Variants in EPHA6 observed in about 807,000 individuals in gnomAD.
The protein encoded by EPHA6 is EPH receptor A6, also known as ephrin type-A receptor 6.
A neutral mutation model predicts 112.0 loss-of-function variants in EPHA6; 50 were observed. The observed-to-expected ratio is 0.45, with a 90% CI of 0.36 to 0.56. The LOEUF is 0.56. Ranked by LOEUF, EPHA6 falls within the 20% of genes least tolerant of loss-of-function variation. The pLI is 0.00. For synonymous variants in EPHA6, 529 were observed against 490.7 expected (o/e 1.08, Z -1.03); for missense variants, 1,280 against 1,417.4 (o/e 0.90, Z 1.56).
intron 3 of EPHA6, among the ~76,000 whole-genome samples, chr3:97,077,553 C>T (rs998985970): frequency 6.6e-6 from 1 of 150,946 alleles, no homozygotes; most frequent in Non-Finnish European, 1.5e-5. Flanking sequence ...CCATCCCCCT[C>T]CCCTGACAGG....
At chr3:96,820,061 G>T (rs780324926) in intron 1 of EPHA6, among the ~76,000 whole-genome samples, 1 of 152,014 alleles carries the variant, frequency 6.6e-6, no homozygotes, top group Admixed American at 6.6e-5. Context: ...GAAGAAGTGC[G>T]TAACATATAG....
intron 3 of EPHA6, among the ~76,000 whole-genome samples, chr3:97,095,496 C>G (rs111379585): frequency 2.0e-5 from 3 of 151,918 alleles, no homozygotes; most frequent in Non-Finnish European, 2.9e-5. Flanking sequence ...CCATACCCCC[C>G]ACCTTCCTTT....
At chr3:97,374,902 C>T (rs2085261501) in intron 5 of EPHA6, among the ~76,000 whole-genome samples, 1 of 152,060 alleles carries the variant, frequency 6.6e-6, no homozygotes, top group Non-Finnish European at 1.5e-5. Flanking sequence ...TATACAATTT[C>T]TGGTTGGGGT....
chr3:97,055,533 G>A lies in EPHA6; in HGVS notation c.1114+67540G>A, dbSNP rs142356223. On this transcript the variant is annotated intron_variant, in intron 3 of 17. Transcript: ENST00000389672. The stretch of plus-strand genomic sequence containing the variant: ...TTAGATTCATATGGAAATACACAAG[G>A]GTTTGCAGACTGACACTAAAATAAA... Among the ~76,000 whole-genome samples the A allele has an allele frequency of 6.4e-3, 971 of 152,174 alleles. 7 individuals are homozygous for A. The highest frequency in any genetic ancestry group is 0.021 in the African/African-American group (878 of 41,550).
chr3:97,511,859 CAT>C (rs2092370108), intron 10 of EPHA6, among the ~76,000 whole-genome samples: 1 of 152,114 alleles, frequency 6.6e-6, no homozygotes, highest in South Asian at 2.1e-4. Flanking sequence ...TTAGTCCTAA[CAT>C]ATTTTTTTTT....
chr3:97,711,194 C>G (rs1377083432), intron 14 of EPHA6, among the ~76,000 whole-genome samples: 1 of 152,116 alleles, frequency 6.6e-6, no homozygotes, highest in Non-Finnish European at 1.5e-5. Flanking sequence ...TTCACAAGCT[C>G]TCTCTCTGTC....
intron 6 of EPHA6, among the ~76,000 whole-genome samples, chr3:97,440,882 CAA>C (rs976602291): frequency 2.0e-5 from 3 of 151,314 alleles, no homozygotes; most frequent in African/African-American, 7.3e-5. Context: ...TTTAATAAGA[CAA>C]GACTAGATGT....
intron 2 of EPHA6, among the ~76,000 whole-genome samples, chr3:96,930,656 G>A (rs1426387543): frequency 6.6e-6 from 1 of 152,076 alleles, no homozygotes; most frequent in Non-Finnish European, 1.5e-5. Context: ...GAACTGGGAG[G>A]CCTCACCCAG....
intron 3 of EPHA6, among the ~76,000 whole-genome samples, chr3:97,015,285 A>G (rs1304242635): frequency 6.6e-6 from 1 of 152,234 alleles, no homozygotes; most frequent in African/African-American, 2.4e-5. Context: ...TAAAATCAGT[A>G]TAAAGTAACA....
At position 97,633,504 on chromosome 3, in the gene EPHA6, T is replaced by C. The variant is rs565801642; in HGVS notation, c.2575-4369T>C. Among the ~76,000 whole-genome samples, 16 of 152,190 alleles carry C rather than the reference T, an allele frequency of 1.1e-4. No individual in the cohort carries two copies. The South Asian group carries it at 2.1e-3, about 20-fold the overall frequency. On this transcript the variant is annotated intron_variant, in intron 13 of 17. Transcript: ENST00000389672. ...CTCTCACATTTTTCTTCTCCCCTCA[T>C]AAACAATTCGATTCAATTTGAATTA...
At chr3:97,504,884 T>C (rs1041642342) in intron 10 of EPHA6, among the ~76,000 whole-genome samples, 2 of 152,214 alleles carry the variant, frequency 1.3e-5, no homozygotes, top group African/African-American at 4.8e-5. Context: ...TTATTACATG[T>C]AGTATAAGTT....
intron 3 of EPHA6, among the ~76,000 whole-genome samples, chr3:97,213,357 T>C (rs2077932466): frequency 6.6e-6 from 1 of 152,112 alleles, no homozygotes; most frequent in Non-Finnish European, 1.5e-5. Flanking sequence ...ACAAGAAAAT[T>C]TACTTTCTTA....
intron 3 of EPHA6, among the ~76,000 whole-genome samples, chr3:97,148,914 G>T (rs1234191331): frequency 6.6e-6 from 1 of 152,072 alleles, no homozygotes; most frequent in Non-Finnish European, 1.5e-5. Context: ...ATGTTTTGCT[G>T]GAGGGCAAAT....
At chr3:97,623,108 T>C (rs1003996984) in intron 13 of EPHA6, among the ~76,000 whole-genome samples, 5 of 151,844 alleles carry the variant, frequency 3.3e-5, no homozygotes, top group African/African-American at 1.2e-4. Flanking sequence ...TTAAGTTTCA[T>C]GTGGCACAGT....
intron 16 of EPHA6, among the ~76,000 whole-genome samples, chr3:97,744,522 T>C (rs2035632798): frequency 6.6e-6 from 1 of 151,972 alleles, no homozygotes; most frequent in Non-Finnish European, 1.5e-5. Context: ...CTGACCTTAC[T>C]AAATCAACTG....
At chr3:97,215,729 G>T (rs1475190747) in intron 3 of EPHA6, among the ~76,000 whole-genome samples, 1 of 151,590 alleles carries the variant, frequency 6.6e-6, no homozygotes, top group Non-Finnish European at 1.5e-5. Flanking sequence ...CATTTTCATT[G>T]TTATTTTAAG....
chr3:97,242,857 A>G (rs1317182160), intron 4 of EPHA6, among the ~76,000 whole-genome samples: 4 of 151,666 alleles, frequency 2.6e-5, no homozygotes, highest in Non-Finnish European at 5.9e-5. Context: ...CTGTTGTTTC[A>G]ACAGTCATTT....
intron 5 of EPHA6, among the ~76,000 whole-genome samples, chr3:97,282,629 A>T (rs530220776): frequency 1.2e-4 from 19 of 152,338 alleles, no homozygotes; most frequent in African/African-American, 4.3e-4. Context: ...AATGTGGTCC[A>T]TATACACCAT....
At chr3:97,257,594 G>T (rs953823372) in intron 5 of EPHA6, among the ~76,000 whole-genome samples, 4 of 151,906 alleles carry the variant, frequency 2.6e-5, no homozygotes, top group African/African-American at 9.7e-5. Context: ...ATCACTGCAG[G>T]AGTAACTATA....
Sources: allele counts gnomAD v4.1 joint callset (sites outside exome capture counted in the v4.1 genomes callset), GRCh38; gene constraint gnomAD v4.1.1; transcripts MANE v1.5; gene names NCBI Gene and HGNC (gene_info 2026-07-23, HGNC 2026-07-21).